The following RGS6 variants were observed in gnomAD, a reference collection of about 807,000 sequenced individuals.
RGS6 encodes regulator of G-protein signaling 6.
RGS6 carries 30 observed loss-of-function variants against 78.5 expected under a neutral mutation model. That is an observed-to-expected ratio of 0.38 (90% CI 0.29 to 0.52). The LOEUF is 0.52. Among genes scored for constraint, RGS6 ranks in the 20% least tolerant of loss-of-function variants. The pLI, the probability that RGS6 is intolerant of heterozygous loss-of-function variation, is 0.85. For synonymous variants in RGS6, 206 were observed against 206.0 expected, an observed-to-expected ratio of 1.00 and a Z score of 0.00; for missense variants, 495 against 609.7, an observed-to-expected ratio of 0.81 and a Z score of 1.98.
At chr14:71,976,817 G>C (rs1456409515) in intron 2 of RGS6, among the ~76,000 whole-genome samples, 1 of 149,282 alleles carries the variant, frequency 6.7e-6, no homozygotes, top group African/African-American at 2.5e-5. Flanking sequence ...TCTAGTTCTA[G>C]ATCCCTGAGG....
intron 3 of RGS6, among the ~76,000 whole-genome samples, chr14:72,356,170 A>G (rs1303282323): frequency 6.6e-6 from 1 of 152,172 alleles, no homozygotes; most frequent in African/African-American, 2.4e-5. Context: ...CCCAAATCGC[A>G]TCTCAAATTA....
At chr14:72,327,393 G>A (rs552454719) in intron 2 of RGS6, among the ~76,000 whole-genome samples, 2 of 152,212 alleles carry the variant, frequency 1.3e-5, no homozygotes, top group Admixed American at 6.5e-5. Context: ...CTTAGTAAAT[G>A]CCCTCCGCTT....
At chr14:72,148,313 A>G (rs1342719515) in intron 2 of RGS6, among the ~76,000 whole-genome samples, 1 of 151,542 alleles carries the variant, frequency 6.6e-6, no homozygotes, top group Admixed American at 6.6e-5. Context: ...TGGGAAGATC[A>G]CTTGTGTCCA....
chr14:72,518,223 A>G (rs1258139200), intron 14 of RGS6, 128 bp from the exon 15 acceptor site: 2 of 773,146 alleles, frequency 2.6e-6, no homozygotes, highest in African/African-American at 3.5e-5. Context: ...CAGCTCATGT[A>G]GTGGCATCAG....
At chr14:71,960,908 A>G (rs2238278) in intron 1 of RGS6, among the ~76,000 whole-genome samples, 126,700 of 152,156 alleles carry the variant, frequency 0.83, 52,871 homozygotes, top group South Asian at 0.9. Flanking sequence ...CACATATTAC[A>G]GTGTCCTTTC....
At chr14:72,222,365 C>G (rs2047073214) in intron 2 of RGS6, among the ~76,000 whole-genome samples, 1 of 152,172 alleles carries the variant, frequency 6.6e-6, no homozygotes, top group South Asian at 2.1e-4. Context: ...CTCCTTGAAC[C>G]CTTGAAACTG....
At chr14:72,328,721 T>A (rs181826736) in intron 2 of RGS6, among the ~76,000 whole-genome samples, 1 of 152,320 alleles carries the variant, frequency 6.6e-6, no homozygotes, top group Admixed American at 6.5e-5. Flanking sequence ...GCCTGAGAGC[T>A]GTTAGGAACA....
rs80239354 is a variant in RGS6, at chr14:72,050,689, A to G, written c.84+85814A>G. On this transcript the variant is annotated intron_variant, in intron 2 of 17. Coordinates refer to ENST00000553525, the MANE Select transcript of RGS6 (RefSeq NM_001204424.2). ...CTAGCAGGGAATCAATATACCGTTG[A>G]CCCTTGAACAACACGGGTTTGAATT... 3.1e-3 allele frequency among the ~76,000 whole-genome samples: 472 copies of G among 152,334 alleles called. 1 individual carries two copies. The highest frequency in any genetic ancestry group is 0.011 in the African/African-American group (456 of 41,562).
At chr14:72,429,229 A>C (rs1373186802) in intron 3 of RGS6, among the ~76,000 whole-genome samples, 1 of 152,170 alleles carries the variant, frequency 6.6e-6, no homozygotes, top group Non-Finnish European at 1.5e-5. Context: ...TGCATTTCTA[A>C]TAAATTCCCA....
intron 3 of RGS6, among the ~76,000 whole-genome samples, chr14:72,452,923 G>C (rs12164888): frequency 0.01 from 1,586 of 152,272 alleles, 28 homozygotes; most frequent in African/African-American, 0.037. Context: ...CAGACAGAAG[G>C]GAACTTATTC....
chr14:72,621,650 G>C, the RGS6 span, among the ~76,000 whole-genome samples: 1 of 152,206 alleles, frequency 6.6e-6, no homozygotes. Context: ...GATACCCAGT[G>C]GGGGAGAGGT....
chr14:72,322,634 ATAAT>A (rs1024361516), intron 2 of RGS6, among the ~76,000 whole-genome samples: 1 of 152,116 alleles, frequency 6.6e-6, no homozygotes, highest in Admixed American at 6.5e-5. Context: ...ATCAGTGTAA[ATAAT>A]CCTAATTAAA....
At chr14:72,390,531 G>C (rs1255450359) in intron 3 of RGS6, among the ~76,000 whole-genome samples, 1 of 152,068 alleles carries the variant, frequency 6.6e-6, no homozygotes, top group Non-Finnish European at 1.5e-5. Context: ...GTTATGAAAA[G>C]TTTTAATTGT....
intron 2 of RGS6, among the ~76,000 whole-genome samples, chr14:72,325,247 A>C (rs1435342642): frequency 6.6e-6 from 1 of 152,086 alleles, no homozygotes; most frequent in Non-Finnish European, 1.5e-5. Flanking sequence ...TAGATTCTGG[A>C]TATTAGCCCT....
In RGS6 at chr14:71,979,393, G is replaced by A. The variant is rs551456096; in HGVS notation, c.84+14518G>A. Among the ~76,000 whole-genome samples the A allele has an allele frequency of 8.7e-5, 13 of 148,654 alleles. No homozygotes were observed. In the South Asian group the frequency reaches 2.8e-3, roughly 33 times the overall value. ...TTGGATCTTTCCTGCTTTCTCTTGT[G>A]GGCATTTAGTGCTATAAATTTCCCT... is the stretch of plus-strand genomic sequence containing the variant. On this transcript the variant is annotated intron_variant, in intron 2 of 17. Transcript: ENST00000553525.
intron 14 of RGS6, among the ~76,000 whole-genome samples, chr14:72,516,511 G>A (rs1311813906): frequency 1.3e-5 from 2 of 152,204 alleles, no homozygotes; most frequent in Non-Finnish European, 2.9e-5. Context: ...AGGACTTGTG[G>A]CTGTCAGAGA....
chr14:72,072,207 A>G (rs1166498488), intron 2 of RGS6, among the ~76,000 whole-genome samples: 2 of 152,076 alleles, frequency 1.3e-5, no homozygotes, highest in Non-Finnish European at 2.9e-5. Context: ...AGGTCCCACA[A>G]TCTTATTCTC....
intron 2 of RGS6, among the ~76,000 whole-genome samples, chr14:72,148,908 T>C (rs1483778450): frequency 6.6e-6 from 1 of 152,218 alleles, no homozygotes; most frequent in Non-Finnish European, 1.5e-5. Flanking sequence ...ATTCCAGTTA[T>C]CTAACATTGC....
intron 17 of RGS6, among the ~76,000 whole-genome samples, chr14:72,558,440 G>A (rs532705991): frequency 5.9e-5 from 9 of 152,268 alleles, no homozygotes; most frequent in African/African-American, 2.2e-4. Flanking sequence ...TCCCAGGTAA[G>A]TAAGTGGCAA....
Sources: allele counts gnomAD v4.1 joint callset (sites outside exome capture counted in the v4.1 genomes callset), GRCh38; gene constraint gnomAD v4.1.1; transcripts MANE v1.5; gene names NCBI Gene and HGNC (gene_info 2026-07-23, HGNC 2026-07-21).